Variants in DDHD1 observed in about 807,000 individuals in gnomAD.
DDHD1 encodes the protein phospholipase DDHD1.
DDHD1 carries 49 observed loss-of-function variants against 96.4 expected under a neutral mutation model. The ratio of observed to expected loss-of-function variants is 0.51; its 90% CI spans 0.40 to 0.64. The LOEUF (loss-of-function observed/expected upper bound fraction) is 0.64, where lower values mean the gene tolerates loss of function less well. Among genes scored for constraint, DDHD1 ranks in the 30% least tolerant of loss-of-function variants. The pLI is 0.00. For synonymous variants in DDHD1, 442 were observed against 446.5 expected, an observed-to-expected ratio of 0.99 and a Z score of 0.13; for missense variants, 1,106 against 1,161.2, an observed-to-expected ratio of 0.95 and a Z score of 0.69.
At chr14:53,124,748 A>C (rs1889303766) in intron 1 of DDHD1, among the ~76,000 whole-genome samples, 1 of 152,244 alleles carries the variant, frequency 6.6e-6, no homozygotes, top group South Asian at 2.1e-4. Flanking sequence ...TGTAGCTGTA[A>C]AATTAATGAA....
chr14:53,074,122 A>T (rs1884755449), intron 4 of DDHD1, among the ~76,000 whole-genome samples: 2 of 152,062 alleles, frequency 1.3e-5, no homozygotes, highest in Non-Finnish European at 2.9e-5. Flanking sequence ...TTTAGTACAC[A>T]GAATGGCATA....
intron 12 of DDHD1, among the ~76,000 whole-genome samples, chr14:53,049,492 A>G (rs1304819310): frequency 2.0e-5 from 3 of 152,062 alleles, no homozygotes; most frequent in Non-Finnish European, 4.4e-5. Flanking sequence ...GAGGGTCTAC[A>G]TAGTAGCATC....
At chr14:53,050,693 T>C (rs1314903978) in intron 12 of DDHD1, among the ~76,000 whole-genome samples, 1 of 152,110 alleles carries the variant, frequency 6.6e-6, no homozygotes, top group Non-Finnish European at 1.5e-5. Context: ...CCATGGTCTC[T>C]TGGCTCAAGG....
intron 1 of DDHD1, among the ~76,000 whole-genome samples, chr14:53,128,928 T>C (rs7144723): frequency 0.74 from 111,904 of 152,182 alleles, 44,046 homozygotes; most frequent in East Asian, 0.96. Flanking sequence ...CTTGTGATAA[T>C]GCACTTTGTG....
intron 4 of DDHD1, among the ~76,000 whole-genome samples, chr14:53,082,067 G>A (rs1406356636): frequency 6.6e-6 from 1 of 152,146 alleles, no homozygotes; most frequent in East Asian, 1.9e-4. Flanking sequence ...ATGGGAGATA[G>A]AGAAAATGAG....
chr14:53,152,961 G>A lies in DDHD1; in HGVS notation c.138C>T (p.Gly46=), dbSNP rs765127742. ...GGVCCFEHLP[G]GDPDDGDVPL... is the part of the protein sequence containing the mutation. ...GCACGTCGCCGTCGTCCGGGTCCCC[G>A]CCGGGCAGGTGCTCGAAGCAGCAGA... The change falls in exon 1 of 13, where the codon GGC becomes GGT. Residue 46 remains glycine (G), a synonymous_variant. Coordinates refer to ENST00000673822, the MANE Select transcript of DDHD1 (RefSeq NM_001160148.2). 3.2e-6 allele frequency: 5 copies of A among 1,586,892 alleles called. No individual in the cohort carries two copies. The Admixed American group carries it at 5.4e-5, about 17-fold the overall frequency.
intron 1 of DDHD1, among the ~76,000 whole-genome samples, chr14:53,144,077 C>G (rs774841980): frequency 6.6e-6 from 1 of 152,182 alleles, no homozygotes; most frequent in African/African-American, 2.4e-5. Context: ...ATACATGAGA[C>G]ATAGTAGCAC....
intron 2 of DDHD1, among the ~76,000 whole-genome samples, chr14:53,100,021 C>G (rs113817335): frequency 0.013 from 1,937 of 152,092 alleles, 44 homozygotes; most frequent in African/African-American, 0.045. Context: ...CACTCCTGAT[C>G]TGCAGATTCA....
rs1216875970 is a variant in DDHD1, at chr14:53,137,402, G to A, written c.838+14859C>T. ...AGGTCAGGAGTTTGAGAGCAGCCTG[G>A]CCAACATGGCAAAACCCTGTCTCTA... On this transcript the variant is annotated intron_variant, in intron 1 of 12. Coordinates refer to ENST00000673822, the MANE Select transcript of DDHD1 (RefSeq NM_001160148.2). Among the ~76,000 whole-genome samples the A allele has an allele frequency of 2.8e-5, 4 of 141,130 alleles. No homozygotes were observed. The East Asian group carries it at 8.9e-4, about 31-fold the overall frequency. 92.6% of individuals were successfully genotyped at this position (141,130 alleles called of 152,430 possible).
chr14:53,117,436 T>A (rs1318234868), intron 1 of DDHD1, among the ~76,000 whole-genome samples: 1 of 152,156 alleles, frequency 6.6e-6, no homozygotes, highest in Non-Finnish European at 1.5e-5. Flanking sequence ...GGTACACTCC[T>A]CACCAAATAC....
At chr14:53,110,499 C>G (rs1346093063) in intron 1 of DDHD1, among the ~76,000 whole-genome samples, 1 of 152,190 alleles carries the variant, frequency 6.6e-6, no homozygotes, top group Non-Finnish European at 1.5e-5. Context: ...CTACATTTAG[C>G]TAGCTTTTAC....
At chr14:53,129,633 C>T (rs149084148) in intron 1 of DDHD1, among the ~76,000 whole-genome samples, 66 of 152,260 alleles carry the variant, frequency 4.3e-4, no homozygotes, top group East Asian at 1.2e-3. Flanking sequence ...ACCACCCTCC[C>T]GCCCATGTCT....
intron 1 of DDHD1, among the ~76,000 whole-genome samples, chr14:53,109,048 A>T (rs1887909570): frequency 6.6e-6 from 1 of 152,144 alleles, no homozygotes; most frequent in Non-Finnish European, 1.5e-5. Flanking sequence ...TCACTTCTGC[A>T]GATTAGTAAA....
rs557692946 is a variant in DDHD1 at position 53,148,444 on chromosome 14, C to T, written c.838+3817G>A. ...TCTCCTGCCTCAGCCTCCTGAATAG[C>T]TGGGATTACAGACACTCGCCACCAC... On this transcript the variant is annotated intron_variant, in intron 1 of 12. Transcript: ENST00000673822. 3.4e-3 allele frequency among the ~76,000 whole-genome samples: 517 copies of T among 152,190 alleles called. 7 individuals carry two copies. The highest frequency in any genetic ancestry group is 0.012 in the African/African-American group (494 of 41,518).
In DDHD1 at chr14:53,152,675, C is replaced by T. The variant is rs1451425803; in HGVS notation, c.424G>A (p.Glu142Lys). The T allele has an allele frequency of 2.5e-6, 4 of 1,612,548 alleles. No homozygotes were observed. The highest frequency in any genetic ancestry group is 1.3e-5 in the African/African-American group (1 of 74,922). ...GGGATGGSPGERKRTRLGGPA... is the reference protein window; with the variant it reads ...GGGATGGSPGKRKRTRLGGPA... ...CCGCCAAGCCGGGTACGTTTCCTTTCCCCGGGGGACCCTCCTGTCGCGCCG... is the reference window on the plus strand; with the variant it reads ...CCGCCAAGCCGGGTACGTTTCCTTTTCCCGGGGGACCCTCCTGTCGCGCCG... The change falls in exon 1 of 13, where the codon GAA (glutamate) becomes AAA (lysine). Residue 142 changes from glutamate to lysine, a missense_variant. Physicochemically the swap from Glu to Lys is moderately conservative, Grantham distance 56. This residue lies in a region of DDHD1 where 456 missense variants were observed against 402.4 expected (regional missense o/e 1.13). Coordinates refer to ENST00000673822, the MANE Select transcript of DDHD1 (RefSeq NM_001160148.2).
At chr14:53,106,947 T>C (rs759625023) in intron 1 of DDHD1, among the ~76,000 whole-genome samples, 3 of 152,362 alleles carry the variant, frequency 2.0e-5, no homozygotes, top group Middle Eastern at 3.4e-3. Flanking sequence ...GGTCTTCTTT[T>C]GCCTGTATTG....
intron 1 of DDHD1, among the ~76,000 whole-genome samples, chr14:53,112,415 CAA>C (rs143344796): frequency 1.1e-4 from 12 of 107,450 alleles, no homozygotes; most frequent in Admixed American, 2.9e-4. Flanking sequence ...GACTCCATCT[CAA>C]AAAAAAAAAA....
chr14:53,116,615 G>T (rs759381504), intron 1 of DDHD1, among the ~76,000 whole-genome samples: 2 of 152,188 alleles, frequency 1.3e-5, no homozygotes, highest in Non-Finnish European at 2.9e-5. Context: ...ACCTGCTCCT[G>T]AATGACTACT....
rs867412175 is a variant in DDHD1 at position 53,102,941 on chromosome 14, A to G, written c.1012+742T>C. The G allele has an allele frequency of 2.2e-5, 29 of 1,309,756 alleles. No individual in the cohort carries two copies. The Middle Eastern group carries it at 6.0e-4, about 27-fold the overall frequency. The allele number at this position is 1,309,756 out of a possible 1,614,324, so 81.1% of individuals were successfully genotyped here. On this transcript the variant is annotated intron_variant, in intron 2 of 12. Coordinates refer to ENST00000673822, the MANE Select transcript of DDHD1 (RefSeq NM_001160148.2). Reference sequence around the variant, plus strand: ...TAGAGCTTGCCAAGAAACCTCCCAAATAAAGACTAGCATGGATGAAGAAAC... The same window carrying G: ...TAGAGCTTGCCAAGAAACCTCCCAAGTAAAGACTAGCATGGATGAAGAAAC...
Sources: gnomAD v4.1 joint callset for allele counts (sites outside exome capture counted in the v4.1 genomes callset) on GRCh38, gnomAD v4.1.1 for gene constraint, gnomAD v4.1.1 regional missense constraint, MANE v1.5 for transcripts, NCBI Gene and HGNC (gene_info 2026-07-23, HGNC 2026-07-21) for gene names.